The following TULP4 variants were observed in gnomAD, a reference collection of about 807,000 sequenced individuals.
The protein encoded by TULP4 is TUB like protein 4, also known as tubby-related protein 4.
In TULP4, 16 loss-of-function variants were observed where a neutral mutation model predicts 129.0. The observed-to-expected ratio is 0.12, with a 90% CI of 0.08 to 0.19. TULP4 has a LOEUF of 0.19. Ranked by LOEUF, TULP4 falls within the 10% of genes least tolerant of loss-of-function variation. The pLI, the probability that TULP4 is intolerant of heterozygous loss-of-function variation, is 1.00. For synonymous variants in TULP4, 998 were observed against 854.0 expected (o/e 1.17, Z -2.94); for missense variants, 1,842 against 2,059.1 (o/e 0.89, Z 2.04).
At position 158,493,630 on chromosome 6, in the gene TULP4, C is replaced by G. The variant is rs202241360; in HGVS notation, c.1689C>G (p.Ser563=). The G allele has an allele frequency of 4.4e-6, 7 of 1,599,306 alleles. No individual in the cohort carries two copies. The highest frequency in any genetic ancestry group is 1.3e-5 in the African/African-American group (1 of 74,144). The change falls in exon 10 of 14, where the codon TCC becomes TCG. Residue 563 remains serine, a synonymous_variant. Transcript: ENST00000367097. This position sits in a 1 kb window ranked among gnomAD's most constrained non-coding sequence, Gnocchi z 4.4. ...PKLPRAAQEL[S]RSPRLPLRKP... ...TGCCCCGGGCTGCTCAGGAGCTCTC[C>G]CGGTCCCCACGGTTGCCCCTGCGCA... is the stretch of plus-strand genomic sequence containing the variant.
At chr6:158,479,017 G>A (rs568965351) in intron 6 of TULP4, among the ~76,000 whole-genome samples, 13 of 152,224 alleles carry the variant, frequency 8.5e-5, no homozygotes, top group African/African-American at 2.9e-4. Context: ...CCCCAGAAGG[G>A]CTGTGACTCC....
chr6:158,489,003 C>T (rs1479736773), intron 8 of TULP4, among the ~76,000 whole-genome samples: 1 of 152,158 alleles, frequency 6.6e-6, no homozygotes, highest in Non-Finnish European at 1.5e-5. Context: ...GTTCCCACCG[C>T]ACAGGTTTCC....
intron 1 of TULP4, among the ~76,000 whole-genome samples, chr6:158,371,752 C>G (rs1190414251): frequency 2.6e-5 from 4 of 152,220 alleles, no homozygotes; most frequent in Non-Finnish European, 4.4e-5. Flanking sequence ...TGCATAGGTT[C>G]AGAGTAGAGG....
At chr6:158,390,982 C>T (rs1019409557) in intron 1 of TULP4, among the ~76,000 whole-genome samples, 7 of 151,940 alleles carry the variant, frequency 4.6e-5, no homozygotes, top group South Asian at 4.2e-4. Flanking sequence ...AAGGCTGAGG[C>T]GGGAGAATTG....
chr6:158,387,313 G>A (rs1407882589), intron 1 of TULP4, among the ~76,000 whole-genome samples: 3 of 152,020 alleles, frequency 2.0e-5, no homozygotes, highest in African/African-American at 4.8e-5. Flanking sequence ...TGTCAGTCCC[G>A]TATATCTATC....
intron 6 of TULP4, among the ~76,000 whole-genome samples, chr6:158,472,281 T>TTGAA (rs540020162): frequency 1.0e-3 from 152 of 152,348 alleles, no homozygotes; most frequent in African/African-American, 3.6e-3. Flanking sequence ...GCAGAAGTTC[T>TTGAA]CATCAGCCAT....
intron 1 of TULP4, among the ~76,000 whole-genome samples, chr6:158,344,380 A>G (rs973811972): frequency 1.3e-5 from 2 of 152,134 alleles, no homozygotes; most frequent in Non-Finnish European, 2.9e-5. Flanking sequence ...GCTTCCCTTT[A>G]TTGGACTTTG....
intron 10 of TULP4, among the ~76,000 whole-genome samples, 193 bp from the exon 11 acceptor site, chr6:158,494,560 C>G (rs1780285057): frequency 1.3e-5 from 2 of 152,148 alleles, no homozygotes; most frequent in South Asian, 2.1e-4. Flanking sequence ...CGATGCGCCC[C>G]CACTCACTGC....
rs753330759 is a variant in TULP4, at chr6:158,498,832, C to G, written c.2014+20C>G. 3.1e-6 allele frequency: 5 copies of G among 1,612,510 alleles called. No individual in the cohort carries two copies. The East Asian group carries it at 6.7e-5, about 22-fold the overall frequency. On this transcript the variant is annotated intron_variant, in intron 12 of 13. Transcript: ENST00000367097. ...TACCAGGTGTGTTCACATACATCAA[C>G]GTGTTTGTCACGGTCCCTCTGTCAG...
intron 1 of TULP4, among the ~76,000 whole-genome samples, chr6:158,340,939 G>GT (rs1014471903): frequency 8.5e-5 from 13 of 152,100 alleles, no homozygotes; most frequent in Non-Finnish European, 1.8e-4. Flanking sequence ...GGCTCTCTCT[G>GT]TTTTTTTGTG....
intron 6 of TULP4, among the ~76,000 whole-genome samples, chr6:158,477,239 T>C (rs1779843680): frequency 6.6e-6 from 1 of 152,150 alleles, no homozygotes; most frequent in Non-Finnish European, 1.5e-5. Flanking sequence ...TTATATAAAA[T>C]ATATCATCAA....
upstream of TULP4, among the ~76,000 whole-genome samples, chr6:158,308,653 G>A (rs1171412825): frequency 2.1e-5 from 3 of 144,262 alleles, no homozygotes; most frequent in Non-Finnish European, 3.1e-5. Context: ...CCTCCCTCTC[G>A]GACGGGGCGG....
At chr6:158,409,758 G>A (rs1046904454) in intron 1 of TULP4, among the ~76,000 whole-genome samples, 2 of 152,186 alleles carry the variant, frequency 1.3e-5, no homozygotes, top group Non-Finnish European at 2.9e-5. Flanking sequence ...TCTAATTTAA[G>A]GGTGTTACTC....
chr6:158,325,625 T>TA (rs1779728815), intron 1 of TULP4, among the ~76,000 whole-genome samples: 1 of 152,164 alleles, frequency 6.6e-6, no homozygotes, highest in Admixed American at 6.5e-5. Context: ...GTACTGGGGT[T>TA]CAGGCGTGAG....
intron 1 of TULP4, among the ~76,000 whole-genome samples, chr6:158,323,059 C>T (rs570164318): frequency 1.3e-5 from 2 of 152,158 alleles, no homozygotes; most frequent in Non-Finnish European, 2.9e-5. Context: ...AAGGACACTT[C>T]GTTCCCCAGC....
chr6:158,371,329 C>T (rs1179510989), intron 1 of TULP4, among the ~76,000 whole-genome samples: 1 of 152,194 alleles, frequency 6.6e-6, no homozygotes, highest in Non-Finnish European at 1.5e-5. Flanking sequence ...GCTGGGCTGG[C>T]TTGAGCCACA....
chr6:158,511,373 T>C lies in TULP4; in HGVS notation c.*4679T>C, dbSNP rs1436590027. On this transcript the variant is annotated 3_prime_UTR_variant, in exon 14 of 14. Transcript: ENST00000367097. The stretch of plus-strand genomic sequence containing the variant: ...ACATAATTTCTGAGTTTATTACTAC[T>C]GGCATTTTCTTTTTCCCTTTTTTTT... The C allele has an allele frequency of 7.2e-6, 1 of 139,828 alleles. No homozygotes were observed. Among genetic ancestry groups the C allele is most frequent in the Non-Finnish European group, 1.5e-5 (1 of 66,328 alleles). 8.7% of individuals were successfully genotyped at this position (139,828 alleles called of 1,614,324 possible).
At chr6:158,309,063 T>G (rs1583727654), upstream of TULP4, among the ~76,000 whole-genome samples, 1 of 125,256 alleles carries the variant, frequency 8.0e-6, no homozygotes, top group Non-Finnish European at 1.7e-5. Flanking sequence ...ACGGGGTGGC[T>G]GCCGGGCGGA....
intron 1 of TULP4, among the ~76,000 whole-genome samples, chr6:158,284,838 C>A (rs1433325174): frequency 2.0e-5 from 3 of 152,168 alleles, no homozygotes; most frequent in South Asian, 2.1e-4. Context: ...AAGTAACTTG[C>A]CCGAGGTGTG....
Sources: gnomAD v4.1 joint callset for allele counts (sites outside exome capture counted in the v4.1 genomes callset) on GRCh38, gnomAD v4.1.1 for gene constraint, Gnocchi (gnomAD v3.1) non-coding constraint, MANE v1.5 for transcripts, NCBI Gene and HGNC (gene_info 2026-07-23, HGNC 2026-07-21) for gene names.